SEPHS1: variants seen among roughly 807,000 people sequenced by gnomAD.
SEPHS1 encodes the protein zincore component SEPHS1.
SEPHS1 carries 7 observed loss-of-function variants against 39.2 expected under a neutral mutation model. The ratio of observed to expected loss-of-function variants is 0.18; its 90% CI spans 0.10 to 0.34. SEPHS1 has a LOEUF of 0.34. Among genes scored for constraint, SEPHS1 ranks in the 10% least tolerant of loss-of-function variants. SEPHS1 has a pLI of 1.00. For synonymous variants in SEPHS1, 190 were observed against 195.5 expected (o/e 0.97, Z 0.23); for missense variants, 253 against 514.5 (o/e 0.49, Z 4.92).
rs373235694 is a variant in SEPHS1 at position 13,344,047 on chromosome 10, A to G, written c.193+711T>C. On this transcript the variant is annotated intron_variant, in intron 2 of 8. Transcript: ENST00000327347. ...TCAGGAATGTAGTAAAGAAAAAGAC[A>G]TTGCCCTGGTTCCAGATGACATCCT... Among the ~76,000 whole-genome samples the G allele has an allele frequency of 5.3e-5, 8 of 152,224 alleles. No individual in the cohort carries two copies. The South Asian group carries it at 1.7e-3, about 32-fold the overall frequency.
At chr10:13,335,679 A>AT (rs887415857) in intron 4 of SEPHS1, among the ~76,000 whole-genome samples, 12 of 138,036 alleles carry the variant, frequency 8.7e-5, no homozygotes, top group African/African-American at 3.3e-4. Flanking sequence ...AACAAAAAAA[A>AT]ATATACACAA....
chr10:13,332,668 C>A (rs1833506210), intron 5 of SEPHS1, among the ~76,000 whole-genome samples: 1 of 151,878 alleles, frequency 6.6e-6, no homozygotes, highest in African/African-American at 2.4e-5. Flanking sequence ...ATGGTGAAAC[C>A]CCATCTCTAC....
chr10:13,336,666 C>T (rs61851592), intron 3 of SEPHS1, among the ~76,000 whole-genome samples: 15,297 of 152,170 alleles, frequency 0.1, 1,043 homozygotes, highest in African/African-American at 0.19. Flanking sequence ...GGTATATGTG[C>T]AGCGAATGAG....
At chr10:13,330,960 T>TA (rs1263903497) in intron 5 of SEPHS1, among the ~76,000 whole-genome samples, 1 of 152,144 alleles carries the variant, frequency 6.6e-6, no homozygotes, top group Non-Finnish European at 1.5e-5. Context: ...ACATTAGGTA[T>TA]ATCTCCTAAT....
In SEPHS1 at chr10:13,344,964, C is replaced by G. The variant is rs1015217539; in HGVS notation, c.-14G>C. The G allele has an allele frequency of 9.3e-6, 14 of 1,505,208 alleles. No homozygotes were observed. Among genetic ancestry groups the G allele is most frequent in the Non-Finnish European group, 1.2e-5 (13 of 1,118,544 alleles). The allele number at this position is 1,505,208 out of a possible 1,614,324, so 93.2% of individuals were successfully genotyped here. A position where few individuals can be genotyped will look rare whatever the true frequency, so the allele number is the denominator to read the frequency against. On this transcript the variant is annotated 5_prime_UTR_variant, in exon 2 of 9. Coordinates refer to ENST00000327347, the MANE Select transcript of SEPHS1 (RefSeq NM_012247.5). Reference sequence around the variant, plus strand: ...CCGCGTAGACATGGTTCTTGGGCCCCGCTCTCCTCACAGCTCAGCCCCTCC... The same window carrying G: ...CCGCGTAGACATGGTTCTTGGGCCCGGCTCTCCTCACAGCTCAGCCCCTCC...
At chr10:13,322,290 G>A (rs1457873265) in intron 8 of SEPHS1, among the ~76,000 whole-genome samples, 1 of 151,700 alleles carries the variant, frequency 6.6e-6, no homozygotes, top group Non-Finnish European at 1.5e-5. Flanking sequence ...TAAAGGCATG[G>A]ACCACCACGC....
At position 13,338,770 on chromosome 10, in the gene SEPHS1, C is replaced by T. The variant is rs760732126; in HGVS notation, c.232G>A (p.Gly78Ser). 3.1e-6 allele frequency: 5 copies of T among 1,613,984 alleles called. No individual in the cohort carries two copies. Among genetic ancestry groups the T allele is most frequent in the South Asian group, 1.1e-5 (1 of 91,082 alleles). ...MDTCVIPLRH[G>S]GLSLVQTTDY... ...GTGGTTTGAACCAAGGAAAGCCCAC[C>T]GTGCCTCAAAGGAATGACACAAGTA... The change falls in exon 3 of 9, where the codon GGT becomes AGT. Residue 78 changes from glycine to serine, a missense_variant. Physicochemically the swap from Gly to Ser is moderately conservative, Grantham distance 56 (BLOSUM62 0). Transcript: ENST00000327347.
intron 4 of SEPHS1, among the ~76,000 whole-genome samples, chr10:13,334,429 T>C (rs773960584): frequency 6.6e-5 from 10 of 152,000 alleles, no homozygotes; most frequent in Middle Eastern, 3.2e-3. Context: ...TAATCCCAGC[T>C]ACTTGGGAGG....
chr10:13,328,096 C>A (rs530161012), intron 7 of SEPHS1, among the ~76,000 whole-genome samples: 1 of 152,218 alleles, frequency 6.6e-6, no homozygotes, highest in South Asian at 2.1e-4. Context: ...CATAGGTAAC[C>A]CACACAAACG....
intron 2 of SEPHS1, among the ~76,000 whole-genome samples, chr10:13,339,194 A>G (rs757092647): frequency 2.7e-4 from 41 of 152,226 alleles, no homozygotes; most frequent in Non-Finnish European, 4.7e-4. Context: ...GGTTATCTTA[A>G]GTATAGTTAT....
chr10:13,321,602 G>A (rs980072438), intron 8 of SEPHS1, among the ~76,000 whole-genome samples: 13 of 152,082 alleles, frequency 8.5e-5, no homozygotes, highest in East Asian at 3.9e-4. Context: ...CTAGAGGAAA[G>A]GAAATAGAAA....
intron 5 of SEPHS1, among the ~76,000 whole-genome samples, chr10:13,330,651 C>T (rs1175072658): frequency 2.0e-5 from 3 of 152,046 alleles, no homozygotes; most frequent in Non-Finnish European, 2.9e-5. Context: ...AAAGCCAGGG[C>T]CACAGACTTC....
chr10:13,340,254 T>G (rs977205907), intron 2 of SEPHS1, among the ~76,000 whole-genome samples: 6 of 151,866 alleles, frequency 4.0e-5, no homozygotes, highest in African/African-American at 1.5e-4. Flanking sequence ...GAAGACAGGC[T>G]GATTTTTATC....
intron 2 of SEPHS1, 50 bp from the exon 3 acceptor site, chr10:13,338,858 T>A: frequency 7.5e-7 from 1 of 1,338,504 alleles, no homozygotes; most frequent in South Asian, 1.2e-5. Flanking sequence ...GGAAAGCCAT[T>A]TCATTTTATA....
At chr10:13,321,140 G>GC (rs1353261606) in intron 8 of SEPHS1, among the ~76,000 whole-genome samples, 1 of 152,146 alleles carries the variant, frequency 6.6e-6, no homozygotes, top group East Asian at 1.9e-4. Flanking sequence ...GTGGTCCCTT[G>GC]CCCCGGCCTA....
rs1334117837 is a variant in SEPHS1, at chr10:13,318,074, G to C, written c.*1068C>G. On this transcript the variant is annotated 3_prime_UTR_variant, in exon 9 of 9. Coordinates refer to ENST00000327347, the MANE Select transcript of SEPHS1 (RefSeq NM_012247.5). The stretch of plus-strand genomic sequence containing the variant: ...CTAAAAGGGGCATCTGATTATACAA[G>C]AGCAATTTAAAAAATTAAATATTTA... 1.3e-5 allele frequency: 2 copies of C among 152,136 alleles called. No individual in the cohort carries two copies. The highest frequency in any genetic ancestry group is 4.8e-5 in the African/African-American group (2 of 41,436). 9.4% of individuals were successfully genotyped at this position (152,136 alleles called of 1,614,324 possible).
chr10:13,328,210 A>G, intron 7 of SEPHS1, 141 bp downstream of exon 7: 1 of 601,570 alleles, frequency 1.7e-6, no homozygotes, highest in Non-Finnish European at 3.0e-6. Context: ...TGGAATGCCA[A>G]CCTGGTACCA....
chr10:13,347,704 AAATT>A (rs1833968806), intron 1 of SEPHS1, among the ~76,000 whole-genome samples: 1 of 143,624 alleles, frequency 7.0e-6, no homozygotes, highest in Non-Finnish European at 1.5e-5. Flanking sequence ...GCGGGCGAAA[AAATT>A]AACCCCTGCG....
Position 13,319,232 on chromosome 10 carries a change from T to C in SEPHS1, c.1089A>G (p.Thr363=). 6.2e-7 allele frequency: 1 copy of C among 1,613,980 alleles called. No homozygotes were observed. The highest frequency in any genetic ancestry group is 8.5e-7 in the Non-Finnish European group (1 of 1,179,864). ...IIGIVEKGNR[T]ARIIDKPRII... ...TCCGGGGTTTGTCTATGATTCTGGC[T>C]GTGCGGTTGCCCTTCTCTACAATCC... is the stretch of plus-strand genomic sequence containing the variant. Residue 363 remains threonine (T), a synonymous_variant, in exon 9 of 9, where the codon ACA becomes ACG. Transcript: ENST00000327347.
Sources: gnomAD v4.1 joint callset for allele counts (sites outside exome capture counted in the v4.1 genomes callset) on GRCh38, gnomAD v4.1.1 for gene constraint, MANE v1.5 for transcripts, NCBI Gene and HGNC (gene_info 2026-07-23, HGNC 2026-07-21) for gene names.